The following HS3ST4 variants were observed in gnomAD, a reference collection of about 807,000 sequenced individuals.
The protein encoded by HS3ST4 is heparan sulfate-glucosamine 3-sulfotransferase 4, also known as heparan sulfate glucosamine 3-O-sulfotransferase 4.
HS3ST4 carries 17 observed loss-of-function variants against 29.2 expected under a neutral mutation model. The observed-to-expected ratio is 0.58, with a 90% CI of 0.40 to 0.87. The LOEUF (loss-of-function observed/expected upper bound fraction) is 0.87. Among genes scored for constraint, HS3ST4 ranks in the 40% least tolerant of loss-of-function variants. The pLI is 0.00. For synonymous variants in HS3ST4, 314 were observed against 285.7 expected, an observed-to-expected ratio of 1.10 and a Z score of -1.00; for missense variants, 627 against 634.5, an observed-to-expected ratio of 0.99 and a Z score of 0.13.
At chr16:25,752,008 T>TC (rs1966724570) in intron 1 of HS3ST4, among the ~76,000 whole-genome samples, 1 of 150,002 alleles carries the variant, frequency 6.7e-6, no homozygotes, top group African/African-American at 2.5e-5. Flanking sequence ...TTTTTTTTTT[T>TC]CTCATCCTGA....
At chr16:26,024,740 A>T (rs1291303383) in intron 1 of HS3ST4, among the ~76,000 whole-genome samples, 4 of 152,222 alleles carry the variant, frequency 2.6e-5, no homozygotes, top group African/African-American at 9.6e-5. Flanking sequence ...CTCAAAAAAA[A>T]GTCTCATTTA....
At chr16:25,838,087 C>G (rs1967378884) in intron 1 of HS3ST4, among the ~76,000 whole-genome samples, 1 of 152,210 alleles carries the variant, frequency 6.6e-6, no homozygotes, top group African/African-American at 2.4e-5. Flanking sequence ...GGTTAGAACC[C>G]CAACTCTGCA....
At chr16:25,861,041 G>A (rs770555440) in intron 1 of HS3ST4, among the ~76,000 whole-genome samples, 23 of 152,280 alleles carry the variant, frequency 1.5e-4, no homozygotes, top group Admixed American at 3.3e-4. Flanking sequence ...ATAAAGAAAA[G>A]TAAAGTCTTA....
intron 1 of HS3ST4, among the ~76,000 whole-genome samples, chr16:25,811,002 T>C (rs1455950093): frequency 6.6e-6 from 1 of 152,244 alleles, no homozygotes; most frequent in East Asian, 1.9e-4. Flanking sequence ...TTCAGCTTCT[T>C]CTTTTGGAGA....
At chr16:25,971,304 G>A (rs1021553618) in intron 1 of HS3ST4, among the ~76,000 whole-genome samples, 2 of 152,300 alleles carry the variant, frequency 1.3e-5, no homozygotes, top group African/African-American at 4.8e-5. Flanking sequence ...TGATGTATCT[G>A]ATGGAAGCCT....
intron 1 of HS3ST4, among the ~76,000 whole-genome samples, chr16:25,926,587 G>C (rs184266458): frequency 4.6e-5 from 7 of 152,174 alleles, no homozygotes; most frequent in Non-Finnish European, 8.8e-5. Context: ...CCAGATGCCT[G>C]CTCAGTGTTT....
intron 1 of HS3ST4, among the ~76,000 whole-genome samples, chr16:25,711,256 C>T (rs962129793): frequency 5.3e-5 from 8 of 152,146 alleles, no homozygotes; most frequent in Non-Finnish European, 7.4e-5. Context: ...ACTGATTTTC[C>T]GAGCCCTGCT....
chr16:25,942,248 A>G (rs143348455), intron 1 of HS3ST4, among the ~76,000 whole-genome samples: 186 of 152,306 alleles, frequency 1.2e-3, no homozygotes, highest in African/African-American at 4.1e-3. Context: ...TGGGATATCC[A>G]TTGCACAATG....
chr16:25,955,619 C>T (rs11648449), intron 1 of HS3ST4, among the ~76,000 whole-genome samples: 10,334 of 152,108 alleles, frequency 0.068, 480 homozygotes, highest in Non-Finnish European at 0.091. Context: ...ACAAGTTTTT[C>T]AGTGGCATCT....
intron 1 of HS3ST4, among the ~76,000 whole-genome samples, chr16:25,786,404 G>C (rs777725991): frequency 3.3e-5 from 5 of 152,070 alleles, no homozygotes; most frequent in Non-Finnish European, 7.4e-5. Flanking sequence ...AGAGGATTAA[G>C]CAAAAAATGG....
chr16:25,828,298 T>TC lies in HS3ST4; in HGVS notation c.734+135147_734+135148insC, dbSNP rs1567249508. On this transcript the variant is annotated intron_variant, in intron 1 of 1. Coordinates refer to ENST00000331351, the MANE Select transcript of HS3ST4 (RefSeq NM_006040.3). ...TTTCTTTCTTTCTTTCTTTCTTTCT[T>TC]TCCCTCTCTCTCTCTCTCTCTCTCT... 4.6e-3 allele frequency among the ~76,000 whole-genome samples: 128 copies of TC among 27,914 alleles called. 4 individuals carry two copies. Among genetic ancestry groups the TC allele is most frequent in the Non-Finnish European group, 6.7e-3 (96 of 14,272 alleles). 18.3% of individuals were successfully genotyped at this position (27,914 alleles called of 152,430 possible).
chr16:26,033,042 C>A, intron 1 of HS3ST4, among the ~76,000 whole-genome samples: 1 of 151,964 alleles, frequency 6.6e-6, no homozygotes, highest in African/African-American at 2.4e-5. Context: ...GAGGTGGGAC[C>A]CATTCATTAA....
chr16:25,793,321 A>AT (rs1966874318), intron 1 of HS3ST4, among the ~76,000 whole-genome samples: 1 of 151,808 alleles, frequency 6.6e-6, no homozygotes, highest in South Asian at 2.1e-4. Context: ...GATTAACATG[A>AT]TTTTTTTGGA....
At position 25,999,843 on chromosome 16, in the gene HS3ST4, T is replaced by A. The variant is rs1479428506; in HGVS notation, c.735-135769T>A. On this transcript the variant is annotated intron_variant, in intron 1 of 1. Coordinates refer to ENST00000331351, the MANE Select transcript of HS3ST4 (RefSeq NM_006040.3). ...ATATATATTTATATATTATATATAT[T>A]TTATATATATTATATATATATTATA... Among the ~76,000 whole-genome samples, 5 of 134,542 alleles carry A rather than the reference T, an allele frequency of 3.7e-5. No homozygotes were observed. In the East Asian group the frequency reaches 6.0e-4, roughly 16 times the overall value. The allele number at this position is 134,542 out of a possible 152,430, so 88.3% of individuals were successfully genotyped here. A position where few individuals can be genotyped will look rare whatever the true frequency, so the allele number is the denominator to read the frequency against.
chr16:25,709,313 G>C (rs1437253344), intron 1 of HS3ST4, among the ~76,000 whole-genome samples: 3 of 152,086 alleles, frequency 2.0e-5, no homozygotes, highest in Non-Finnish European at 4.4e-5. Context: ...TTAGTTCTTA[G>C]GGGTCGTGCA....
intron 1 of HS3ST4, among the ~76,000 whole-genome samples, chr16:26,109,169 C>T (rs1371951692): frequency 6.6e-6 from 1 of 152,118 alleles, no homozygotes; most frequent in African/African-American, 2.4e-5. Flanking sequence ...AGCAAATTAC[C>T]AACTGTAAAA....
At chr16:25,935,366 T>C (rs1968508012) in intron 1 of HS3ST4, among the ~76,000 whole-genome samples, 1 of 152,194 alleles carries the variant, frequency 6.6e-6, no homozygotes, top group Admixed American at 6.5e-5. Context: ...ACTCTTGGTG[T>C]TGTCCATTGT....
chr16:25,740,383 T>C (rs1966643986), intron 1 of HS3ST4, among the ~76,000 whole-genome samples: 1 of 152,204 alleles, frequency 6.6e-6, no homozygotes, highest in Non-Finnish European at 1.5e-5. Flanking sequence ...TTTGAGTAGA[T>C]GTCTGCCTGT....
intron 1 of HS3ST4, among the ~76,000 whole-genome samples, chr16:25,738,672 C>G (rs1437963114): frequency 1.3e-5 from 2 of 152,100 alleles, no homozygotes; most frequent in Non-Finnish European, 2.9e-5. Flanking sequence ...GCCTGTTTCC[C>G]TTAGTTTTTC....
Sources: gnomAD v4.1 joint callset for allele counts (sites outside exome capture counted in the v4.1 genomes callset) on GRCh38, gnomAD v4.1.1 for gene constraint, MANE v1.5 for transcripts, NCBI Gene and HGNC (gene_info 2026-07-23, HGNC 2026-07-21) for gene names.